The following RICTOR variants were observed in gnomAD, a reference collection of about 807,000 sequenced individuals.
The protein encoded by RICTOR is RPTOR independent companion of MTOR complex 2, also known as rapamycin-insensitive companion of mTOR.
In RICTOR, 49 loss-of-function variants were observed where a neutral mutation model predicts 214.9. That is an observed-to-expected ratio of 0.23 (90% CI 0.18 to 0.29). RICTOR has a LOEUF of 0.29. Ranked by LOEUF, RICTOR falls within the 10% of genes least tolerant of loss-of-function variation. RICTOR has a pLI of 1.00. For synonymous variants in RICTOR, 717 were observed against 711.3 expected (o/e 1.01, Z -0.13); for missense variants, 1,625 against 2,047.0 (o/e 0.79, Z 3.98).
chr5:38,984,656 C>CTT (rs1188315686), intron 7 of RICTOR, among the ~76,000 whole-genome samples: 38 of 151,010 alleles, frequency 2.5e-4, no homozygotes, highest in African/African-American at 9.0e-4. Flanking sequence ...TTTTGGTTCT[C>CTT]TTTTTTTTTA....
intron 32 of RICTOR, among the ~76,000 whole-genome samples, chr5:38,946,888 A>G (rs1490062168): frequency 6.6e-6 from 1 of 152,116 alleles, no homozygotes; most frequent in African/African-American, 2.4e-5. Flanking sequence ...GGTACCACAT[A>G]TGGCTGGCTA....
rs184921587 is a variant in RICTOR at position 39,004,494 on chromosome 5, C to T, written c.196-872G>A. 5.6e-3 allele frequency among the ~76,000 whole-genome samples: 838 copies of T among 149,286 alleles called. 9 individuals are homozygous for T. The highest frequency in any genetic ancestry group is 0.02 in the African/African-American group (797 of 40,590). On this transcript the variant is annotated intron_variant, in intron 3 of 37. Coordinates refer to ENST00000357387, the MANE Select transcript of RICTOR (RefSeq NM_152756.5). ...TTTTTTTTTGAGACGGAGTCTCACT[C>T]TGTCACCCAGGCTGGAGTGCAGTGG...
chr5:38,999,412 C>A (rs551043275), intron 5 of RICTOR, among the ~76,000 whole-genome samples: 1 of 152,088 alleles, frequency 6.6e-6, no homozygotes, highest in African/African-American at 2.4e-5. Context: ...AAGACAACAA[C>A]TGAAGCATTG....
At chr5:39,069,098 T>C (rs528397513) in intron 2 of RICTOR, among the ~76,000 whole-genome samples, 2 of 152,302 alleles carry the variant, frequency 1.3e-5, no homozygotes, top group South Asian at 4.1e-4. Flanking sequence ...TAATAGTATG[T>C]ATAATAGTAG....
At chr5:39,011,606 G>T (rs1466089963) in intron 3 of RICTOR, among the ~76,000 whole-genome samples, 1 of 152,206 alleles carries the variant, frequency 6.6e-6, no homozygotes, top group Non-Finnish European at 1.5e-5. Flanking sequence ...CAAAGCCATA[G>T]AGGTGGAGCT....
rs1242214979 is a variant in RICTOR at position 38,964,909 on chromosome 5, C to A, written c.1300-17G>T. 6.7e-7 allele frequency: 1 copy of A among 1,488,596 alleles called. No individual in the cohort carries two copies. Among genetic ancestry groups the A allele is most frequent in the Non-Finnish European group, 9.3e-7 (1 of 1,071,004 alleles). The allele number at this position is 1,488,596 out of a possible 1,614,324, so 92.2% of individuals were successfully genotyped here. On this transcript the variant is annotated splice_polypyrimidine_tract_variant and intron_variant, in intron 15 of 37. Coordinates refer to ENST00000357387, the MANE Select transcript of RICTOR (RefSeq NM_152756.5). Reference sequence around the variant, plus strand: ...TGTGTTTGCCTAAAATGAAGCATAACATTTTACATGAGTTTTCAGAAGTAG... The same window carrying A: ...TGTGTTTGCCTAAAATGAAGCATAAAATTTTACATGAGTTTTCAGAAGTAG...
At chr5:39,018,478 C>T (rs80135970) in intron 3 of RICTOR, among the ~76,000 whole-genome samples, 6,780 of 152,170 alleles carry the variant, frequency 0.045, 276 homozygotes, top group African/African-American at 0.1. Flanking sequence ...TTCATTGGTG[C>T]CATTTTTCCA....
rs780382735 is a variant in RICTOR, at chr5:38,958,538, A to AT, written c.2344-20dup. The AT allele has an allele frequency of 8.2e-6, 13 of 1,593,480 alleles. No homozygotes were observed. The Admixed American group carries it at 1.5e-4, about 19-fold the overall frequency. ...GATTGGCCTAAAAGAGATTATCATT[A>AT]TTTTTTTATAATTGCACAAAAATAG... On this transcript the variant is annotated intron_variant, in intron 23 of 37. Coordinates refer to ENST00000357387, the MANE Select transcript of RICTOR (RefSeq NM_152756.5).
Position 38,959,219 on chromosome 5 carries a change from G to A in RICTOR, c.2154C>T (p.Ser718=). Residue 718 remains serine (S), a synonymous_variant, in exon 22 of 38, where the codon TCC becomes TCT. Transcript: ENST00000357387. ...CATCAGTAGCTGCAGTTAAAATTTT[G>A]GAAAGGATGACTCTAGCCAATCCAT... The part of the protein sequence containing the change: ...SRDGLARVIL[S]KILTAATDAC... 6.3e-7 allele frequency: 1 copy of A among 1,594,858 alleles called. No homozygotes were observed. Among genetic ancestry groups the A allele is most frequent in the Non-Finnish European group, 8.5e-7 (1 of 1,171,040 alleles).
At chr5:38,967,006 G>A in intron 14 of RICTOR, 155 bp downstream of exon 14, 1 of 689,056 alleles carries the variant, frequency 1.5e-6, no homozygotes, top group South Asian at 1.8e-5. Flanking sequence ...TCACCATGTT[G>A]GTCAGGCTGG....
At chr5:39,051,121 A>G (rs1316022453) in intron 2 of RICTOR, among the ~76,000 whole-genome samples, 1 of 152,140 alleles carries the variant, frequency 6.6e-6, no homozygotes, top group East Asian at 1.9e-4. Flanking sequence ...TAAATTATAT[A>G]ATGCAGAGAA....
At chr5:39,053,069 T>G (rs539520458) in intron 2 of RICTOR, among the ~76,000 whole-genome samples, 7 of 152,250 alleles carry the variant, frequency 4.6e-5, no homozygotes, top group Non-Finnish European at 1.0e-4. Context: ...AACACTTTCA[T>G]GAACTAACAT....
intron 10 of RICTOR, 108 bp downstream of exon 10, chr5:38,975,429 T>A: frequency 1.3e-6 from 1 of 743,448 alleles, no homozygotes; most frequent in Non-Finnish European, 2.3e-6. Flanking sequence ...ATATACAAAG[T>A]AAGACTAGAT....
intron 2 of RICTOR, among the ~76,000 whole-genome samples, chr5:39,060,913 ATGATCTTGGGC>A (rs773390537): frequency 2.0e-5 from 3 of 152,024 alleles, no homozygotes; most frequent in Non-Finnish European, 4.4e-5. Context: ...TAATACCTAT[ATGATCTTGGGC>A]TAGTTAGGCA....
intron 15 of RICTOR, among the ~76,000 whole-genome samples, chr5:38,965,851 C>G (rs1256045193): frequency 6.6e-6 from 1 of 152,120 alleles, no homozygotes; most frequent in East Asian, 1.9e-4. Flanking sequence ...CAAAAAACAT[C>G]TGCTAAAAAT....
chr5:38,991,095 AAAAAG>A lies in RICTOR; in HGVS notation c.457-25_457-21del. Reference sequence around the variant, plus strand: ...AATCATCTGTAACAGAAGGAATCAGAAAAAGAAGTTACTTTAGTAATACATTTCTT... The same window carrying A: ...AATCATCTGTAACAGAAGGAATCAGAAAGTTACTTTAGTAATACATTTCTT... On this transcript the variant is annotated intron_variant, in intron 6 of 37. Transcript: ENST00000357387. 1 of 1,566,484 alleles carries A rather than the reference AAAAAG, an allele frequency of 6.4e-7. No homozygotes were observed. The highest frequency in any genetic ancestry group is 8.7e-7 in the Non-Finnish European group (1 of 1,151,228).
intron 9 of RICTOR, among the ~76,000 whole-genome samples, chr5:38,976,632 CTGTT>C (rs200835635): frequency 0.019 from 2,862 of 152,240 alleles, 99 homozygotes; most frequent in African/African-American, 0.065. Context: ...CATACATTGA[CTGTT>C]TGGTAATCCA....
At chr5:38,979,461 C>T (rs1484418737) in intron 8 of RICTOR, among the ~76,000 whole-genome samples, 3 of 152,068 alleles carry the variant, frequency 2.0e-5, no homozygotes, top group Non-Finnish European at 4.4e-5. Flanking sequence ...TTTTCTGGTG[C>T]TCTTCATTCC....
At chr5:38,967,267 A>G (rs957513217) in intron 13 of RICTOR, 40 bp from the exon 14 acceptor site, 8 of 1,598,736 alleles carry the variant, frequency 5.0e-6, no homozygotes, top group Non-Finnish European at 6.9e-6. Flanking sequence ...ATAAAGTTTC[A>G]TAGATTACAC....
Sources: allele counts gnomAD v4.1 joint callset (sites outside exome capture counted in the v4.1 genomes callset), GRCh38; gene constraint gnomAD v4.1.1; transcripts MANE v1.5; gene names NCBI Gene and HGNC (gene_info 2026-07-23, HGNC 2026-07-21).